Variants in NECTIN4 observed in about 807,000 individuals in gnomAD.
NECTIN4 encodes the protein nectin cell adhesion molecule 4, also known as nectin-4.
Under a neutral mutation model 51.7 loss-of-function variants are expected in NECTIN4, and 19 were observed. That is an observed-to-expected ratio of 0.37 (90% CI 0.26 to 0.54). The LOEUF (loss-of-function observed/expected upper bound fraction) is 0.54, where lower values mean the gene tolerates loss of function less well. Among genes scored for constraint, NECTIN4 ranks in the 20% least tolerant of loss-of-function variants. NECTIN4 has a pLI of 0.86. For missense variants in NECTIN4, 619 were observed against 662.4 expected (o/e 0.93, Z 0.72); for synonymous variants, 283 against 286.9 (o/e 0.99, Z 0.14).
rs1653335545 is a variant in NECTIN4 at position 161,074,738 on chromosome 1, A to C, written c.873T>G (p.Ser291Arg). 1 of 1,613,738 alleles carries C rather than the reference A, an allele frequency of 6.2e-7. No homozygotes were observed. Among genetic ancestry groups the C allele is most frequent in the Admixed American group, 1.7e-5 (1 of 60,000 alleles). ...NWTRLDGPLP[S>R]GVRVDGDTLG... The stretch of plus-strand genomic sequence containing the variant: ...AAGTGTCCCCATCCACTCGTACCCC[A>C]CTGGGCAGAGGCCCATCCAGCCTGG... Residue 291 changes from serine to arginine, a missense_variant, in exon 5 of 9, where the codon AGT (serine) becomes AGG (arginine). By Grantham distance (110) the Ser-to-Arg change is moderately radical (BLOSUM62 -1). Transcript: ENST00000368012.
chr1:161,072,866 C>T lies in NECTIN4; in HGVS notation c.1328G>A (p.Arg443His), dbSNP rs769388890. Residue 443 changes from arginine (R) to histidine (H), a missense_variant, in exon 9 of 9, where the codon CGC becomes CAC. Arg to His is a conservative substitution (Grantham distance 29). Around this residue, in one of 3 missense-constraint regions of NECTIN4, gnomAD observed 364 missense variants for 415.7 expected, o/e 0.88. Coordinates refer to ENST00000368012, the MANE Select transcript of NECTIN4 (RefSeq NM_030916.3). ...CACCGTGGTCAGCGTGGAGTAACTG[C>T]GGCCCTCGGGCTCTTCACTCTGGAG... Reference protein sequence around the residue: ...CSVMSEEPEGRSYSTLTTVRE... With the variant: ...CSVMSEEPEGHSYSTLTTVRE... The T allele has an allele frequency of 1.2e-5, 19 of 1,613,340 alleles. 1 individual carries two copies. Among genetic ancestry groups the T allele is most frequent in the South Asian group, 8.8e-5 (8 of 90,904 alleles).
At chr1:161,081,276 A>G (rs1267733206) in intron 1 of NECTIN4, among the ~76,000 whole-genome samples, 1 of 151,892 alleles carries the variant, frequency 6.6e-6, no homozygotes, top group East Asian at 1.9e-4. Context: ...TTCCTTAGCC[A>G]GGGAGTGCCA....
chr1:161,087,839 T>C (rs1216773685), intron 1 of NECTIN4, among the ~76,000 whole-genome samples: 3 of 152,136 alleles, frequency 2.0e-5, no homozygotes, highest in African/African-American at 7.2e-5. Flanking sequence ...CTCTCAGTTT[T>C]TTCATCTGTA....
At chr1:161,086,237 A>G (rs1162951602) in intron 1 of NECTIN4, among the ~76,000 whole-genome samples, 1 of 151,920 alleles carries the variant, frequency 6.6e-6, no homozygotes, top group African/African-American at 2.4e-5. Context: ...GGAATCATGA[A>G]CTCTAACCTC....
rs901102449 is a variant in NECTIN4, at chr1:161,089,144, A to G, written c.79+74T>C. On this transcript the variant is annotated intron_variant, in intron 1 of 8. Transcript: ENST00000368012. This position sits in a 1 kb window ranked among gnomAD's most constrained non-coding sequence, Gnocchi z 4.1. ...TATGTGTGTGCGTGCGTGTGTGTCTATGTGTTTGTGCATGTGTGTCAGTGC... is the reference window on the plus strand; with the variant it reads ...TATGTGTGTGCGTGCGTGTGTGTCTGTGTGTTTGTGCATGTGTGTCAGTGC... 118 of 1,283,274 alleles carry G rather than the reference A, an allele frequency of 9.2e-5. No homozygotes were observed. The highest frequency in any genetic ancestry group is 3.7e-4 in the Middle Eastern group (2 of 5,474). 79.5% of individuals were successfully genotyped at this position (1,283,274 alleles called of 1,614,324 possible). A position where few individuals can be genotyped will look rare whatever the true frequency, so the allele number is the denominator to read the frequency against.
At chr1:161,074,088 C>T (rs1377601079) in intron 6 of NECTIN4, 129 bp downstream of exon 6, 2 of 1,189,082 alleles carry the variant, frequency 1.7e-6, no homozygotes, top group Non-Finnish European at 2.5e-6. Flanking sequence ...TAGAAACACC[C>T]TGCCCACCTC....
intron 1 of NECTIN4, among the ~76,000 whole-genome samples, chr1:161,081,515 T>C (rs1004131447): frequency 4.6e-5 from 7 of 152,030 alleles, no homozygotes; most frequent in Admixed American, 3.9e-4. Flanking sequence ...TGGGAAGAAA[T>C]AAATTTGGAG....
At chr1:161,076,007 C>T (rs1207559726) in intron 4 of NECTIN4, among the ~76,000 whole-genome samples, 2 of 152,018 alleles carry the variant, frequency 1.3e-5, no homozygotes, top group African/African-American at 2.4e-5. Flanking sequence ...ACCCAGGAGG[C>T]GGAGGTTTCA....
intron 4 of NECTIN4, among the ~76,000 whole-genome samples, chr1:161,075,493 G>A (rs1025457221): frequency 2.6e-5 from 4 of 152,194 alleles, no homozygotes; most frequent in Non-Finnish European, 4.4e-5. Flanking sequence ...AGACAAGGCC[G>A]GGCATGGTGG....
At chr1:161,074,570 T>C (rs1377068548) in intron 5 of NECTIN4, 41 bp downstream of exon 5, 2 of 1,613,380 alleles carry the variant, frequency 1.2e-6, no homozygotes, top group African/African-American at 1.3e-5. Context: ...ACCAAGCCCT[T>C]GGCCCAGGTC....
intron 4 of NECTIN4, among the ~76,000 whole-genome samples, chr1:161,075,968 C>T (rs761435844): frequency 2.6e-5 from 4 of 151,158 alleles, no homozygotes; most frequent in Non-Finnish European, 4.4e-5. Context: ...CCCAGCTACT[C>T]AGGAGGCTGA....
chr1:161,089,086 T>C lies in NECTIN4; in HGVS notation c.79+132A>G. 1.0e-5 allele frequency: 9 copies of C among 877,166 alleles called. No individual in the cohort carries two copies. The South Asian group carries it at 1.2e-4, about 12-fold the overall frequency. 54.3% of individuals were successfully genotyped at this position (877,166 alleles called of 1,614,324 possible). A position where few individuals can be genotyped will look rare whatever the true frequency, so the allele number is the denominator to read the frequency against. ...GCTGGAAGCTGGGGGCAGGAGAGAC[T>C]GGATCCTCAGTTCAGAGTCAAAGAA... On this transcript the variant is annotated intron_variant, in intron 1 of 8. Transcript: ENST00000368012. The surrounding 1 kb of genome is among the most constrained non-coding windows in gnomAD (Gnocchi z 4.1).
intron 2 of NECTIN4, 24 bp downstream of exon 2, chr1:161,079,566 C>A: frequency 1.9e-6 from 3 of 1,601,856 alleles, no homozygotes; most frequent in East Asian, 2.2e-5. Flanking sequence ...GCGGCTCAGA[C>A]CGTACCCAGA....
At chr1:161,084,141 G>A (rs560895500) in intron 1 of NECTIN4, among the ~76,000 whole-genome samples, 1 of 152,278 alleles carries the variant, frequency 6.6e-6, no homozygotes, top group African/African-American at 2.4e-5. Flanking sequence ...CTTAGTGCTG[G>A]TTCAAACGCA....
At chr1:161,086,560 C>T (rs1653954545) in intron 1 of NECTIN4, among the ~76,000 whole-genome samples, 1 of 152,202 alleles carries the variant, frequency 6.6e-6, no homozygotes, top group Admixed American at 6.5e-5. Context: ...CTCCTGAACC[C>T]GACAAAGAGC....
chr1:161,084,118 G>A (rs1653819280), intron 1 of NECTIN4, among the ~76,000 whole-genome samples: 1 of 152,208 alleles, frequency 6.6e-6, no homozygotes, highest in Admixed American at 6.5e-5. Context: ...CTGTGGCTGA[G>A]GGCCTGGCCA....
Position 161,072,877 on chromosome 1 carries a change from C to G in NECTIN4, c.1317G>C (p.Glu439Asp), listed in dbSNP as rs774080455. 3.3e-5 allele frequency: 54 copies of G among 1,612,250 alleles called. No homozygotes were observed. In the East Asian group the frequency reaches 1.2e-3, roughly 35 times the overall value. ...DNSSCSVMSE[E>D]PEGRSYSTLT... is the part of the protein sequence containing the mutation. ...GCGTGGAGTAACTGCGGCCCTCGGG[C>G]TCTTCACTCTGGAGACCAAGGGCAA... Residue 439 changes from glutamate (E) to aspartate (D), a missense_variant, in exon 9 of 9, where the codon GAG becomes GAC. Transcript: ENST00000368012.
chr1:161,074,741 G>A lies in NECTIN4; in HGVS notation c.870C>T (p.Pro290=). The part of the protein sequence containing the change: ...YNWTRLDGPL[P]SGVRVDGDTL... Reference sequence around the variant, plus strand: ...TGTCCCCATCCACTCGTACCCCACTGGGCAGAGGCCCATCCAGCCTGGAAG... The same window carrying A: ...TGTCCCCATCCACTCGTACCCCACTAGGCAGAGGCCCATCCAGCCTGGAAG... Residue 290 remains proline, a synonymous_variant, in exon 5 of 9, where the codon CCC becomes CCT. Coordinates refer to ENST00000368012, the MANE Select transcript of NECTIN4 (RefSeq NM_030916.3). 1.2e-6 allele frequency: 2 copies of A among 1,613,820 alleles called. No individual in the cohort carries two copies. Among genetic ancestry groups the A allele is most frequent in the Non-Finnish European group, 1.7e-6 (2 of 1,180,022 alleles).
At chr1:161,079,112 T>TGGGCC (rs773499117) in intron 2 of NECTIN4, among the ~76,000 whole-genome samples, 2 of 152,218 alleles carry the variant, frequency 1.3e-5, no homozygotes, top group Non-Finnish European at 2.9e-5. Context: ...ACACCATTGC[T>TGGGCC]GGGCCTGTGT....
Sources: gnomAD v4.1 joint callset for allele counts (sites outside exome capture counted in the v4.1 genomes callset) on GRCh38, gnomAD v4.1.1 for gene constraint, gnomAD v4.1.1 regional missense constraint, Gnocchi (gnomAD v3.1) non-coding constraint, MANE v1.5 for transcripts, NCBI Gene and HGNC (gene_info 2026-07-23, HGNC 2026-07-21) for gene names.